ADAMTSL2: variants seen among roughly 807,000 people sequenced by gnomAD.
ADAMTSL2 encodes ADAMTS-like protein 2.
Under a neutral mutation model 117.0 loss-of-function variants are expected in ADAMTSL2, and 55 were observed. The ratio of observed to expected loss-of-function variants is 0.47; its 90% CI spans 0.38 to 0.59. ADAMTSL2 has a LOEUF of 0.59. Among genes scored for constraint, ADAMTSL2 ranks in the 20% least tolerant of loss-of-function variants. The probability of loss-of-function intolerance (pLI) is 0.00; values close to 1 mark genes in which losing one functional copy is unlikely to be tolerated. For missense variants in ADAMTSL2, 1,182 were observed against 1,354.5 expected (o/e 0.87, Z 2.00); for synonymous variants, 572 against 566.4 (o/e 1.01, Z -0.14).
intron 12 of ADAMTSL2, 59 bp from the exon 13 acceptor site, chr9:133,566,877 G>C: frequency 6.4e-7 from 1 of 1,572,070 alleles, no homozygotes; most frequent in South Asian, 1.2e-5. Context: ...CCTGAGGCCT[G>C]TCTGCTGGGC....
Position 133,548,159 on chromosome 9 carries a change from T to C in ADAMTSL2, c.939+946T>C, listed in dbSNP as rs1830398335. ...GCCTCATGTTGCAGGTCATGAAATG[T>C]GGGCACAGAGCGAGTGACTTGCAGT... On this transcript the variant is annotated intron_variant, in intron 9 of 18. Transcript: ENST00000651351. Among the ~76,000 whole-genome samples the C allele has an allele frequency of 4.6e-5, 7 of 152,346 alleles. No individual in the cohort carries two copies. In the South Asian group the frequency reaches 1.4e-3, roughly 32 times the overall value.
At chr9:133,550,599 G>T (rs1371426977) in intron 9 of ADAMTSL2, among the ~76,000 whole-genome samples, 3 of 152,144 alleles carry the variant, frequency 2.0e-5, no homozygotes, top group Non-Finnish European at 4.4e-5. Context: ...TTCCAGGATG[G>T]AAGGGGTCTG....
chr9:133,570,365 G>A lies in ADAMTSL2; in HGVS notation c.2450G>A (p.Arg817Gln). 2 of 1,553,760 alleles carry A rather than the reference G, an allele frequency of 1.3e-6. No homozygotes were observed. Among genetic ancestry groups the A allele is most frequent in the African/African-American group, 1.4e-5 (1 of 73,280 alleles). The part of the protein sequence containing the change: ...NTTCGRGVKK[R>Q]LVLCMELANG... The stretch of plus-strand genomic sequence containing the variant: ...ACCTGCGGGCGCGGGGTCAAGAAGC[G>A]GCTGGTGCTCTGCATGGAGCTGGCC... Residue 817 changes from arginine (R) to glutamine (Q), a missense_variant, in exon 17 of 19, where the codon CGG (arginine) becomes CAG (glutamine). By Grantham distance (43) the Arg-to-Gln change is conservative (BLOSUM62 1). Around this residue, in one of 3 missense-constraint regions of ADAMTSL2, gnomAD observed 465 missense variants for 565.3 expected, o/e 0.82. Transcript: ENST00000651351.
rs1317502764 is a variant in ADAMTSL2 at position 133,570,513 on chromosome 9, C to G, written c.2592+6C>G. The G allele has an allele frequency of 6.2e-7, 1 of 1,609,608 alleles. No individual in the cohort carries two copies. The highest frequency in any genetic ancestry group is 8.5e-7 in the Non-Finnish European group (1 of 1,178,726). On this transcript the variant is annotated splice_donor_region_variant and intron_variant, in intron 17 of 18. Coordinates refer to ENST00000651351, the MANE Select transcript of ADAMTSL2 (RefSeq NM_014694.4). The stretch of plus-strand genomic sequence containing the variant: ...ACACCAGCCCCTGGTCAGAGGTGAG[C>G]TCCCAGCCGGCCCCTCTGAGGTTGC...
At chr9:133,545,590 G>A (rs1830328637) in intron 8 of ADAMTSL2, among the ~76,000 whole-genome samples, 1 of 152,206 alleles carries the variant, frequency 6.6e-6, no homozygotes, top group South Asian at 2.1e-4. Context: ...GCTACTCCCT[G>A]GCCCGAGCGG....
intron 9 of ADAMTSL2, among the ~76,000 whole-genome samples, chr9:133,551,597 T>C (rs1830484653): frequency 6.6e-6 from 1 of 152,144 alleles, no homozygotes; most frequent in Non-Finnish European, 1.5e-5. Flanking sequence ...GTGTATTTAT[T>C]TACTGCAGAT....
chr9:133,548,221 C>T (rs1286829887), intron 9 of ADAMTSL2, among the ~76,000 whole-genome samples: 1 of 152,252 alleles, frequency 6.6e-6, no homozygotes, highest in Non-Finnish European at 1.5e-5. Context: ...GCTTTGAACC[C>T]AGGCCTGCCT....
Position 133,549,295 on chromosome 9 carries a change from C to T in ADAMTSL2, c.939+2082C>T, listed in dbSNP as rs1485110260. Among the ~76,000 whole-genome samples the T allele has an allele frequency of 3.8e-4, 2 of 5,260 alleles. 1 individual carries two copies. The highest frequency in any genetic ancestry group is 1.7e-3 in the Admixed American group (2 of 1,156). 3.5% of individuals were successfully genotyped at this position (5,260 alleles called of 152,430 possible). On this transcript the variant is annotated intron_variant, in intron 9 of 18. Coordinates refer to ENST00000651351, the MANE Select transcript of ADAMTSL2 (RefSeq NM_014694.4). ...CTGGGATTACAGGCGTGAGCCACCGCGCCCGGCCCACAGTTTCCTTCTTCT... is the reference window on the plus strand; with the variant it reads ...CTGGGATTACAGGCGTGAGCCACCGTGCCCGGCCCACAGTTTCCTTCTTCT...
chr9:133,563,005 G>A (rs1283193643), intron 12 of ADAMTSL2, among the ~76,000 whole-genome samples: 25 of 152,148 alleles, frequency 1.6e-4, no homozygotes, highest in African/African-American at 5.5e-4. Flanking sequence ...CGCTGTGGGC[G>A]GCGTGGTGGG....
At chr9:133,537,326 C>A (rs1162563560) in intron 2 of ADAMTSL2, 79 bp from the exon 3 acceptor site, 13 of 1,305,500 alleles carry the variant, frequency 1.0e-5, no homozygotes, top group Non-Finnish European at 1.3e-5. Flanking sequence ...GACGGTGATA[C>A]CCTCGGGCAT....
chr9:133,538,864 C>T (rs750308420), intron 4 of ADAMTSL2, among the ~76,000 whole-genome samples: 35 of 152,098 alleles, frequency 2.3e-4, no homozygotes, highest in Non-Finnish European at 4.4e-4. Flanking sequence ...GCTCCAGCCC[C>T]CATCAGCTTC....
At chr9:133,573,185 T>A (rs2131190891) in intron 17 of ADAMTSL2, among the ~76,000 whole-genome samples, 1 of 152,170 alleles carries the variant, frequency 6.6e-6, no homozygotes, top group East Asian at 1.9e-4. Context: ...TGATGTGGGG[T>A]CACCCACATT....
intron 17 of ADAMTSL2, 91 bp downstream of exon 17, chr9:133,570,598 C>A: frequency 7.3e-7 from 1 of 1,363,358 alleles, no homozygotes; most frequent in Middle Eastern, 1.9e-4. Context: ...TTAAGTGCTT[C>A]CTGCTCCTCC....
chr9:133,544,810 G>A (rs1452434686), intron 8 of ADAMTSL2, among the ~76,000 whole-genome samples: 1 of 152,174 alleles, frequency 6.6e-6, no homozygotes. Flanking sequence ...TGGTGATGTT[G>A]GGTGGTGAGC....
At chr9:133,540,778 T>A (rs927493481) in intron 6 of ADAMTSL2, 35 bp downstream of exon 6, 1 of 1,613,430 alleles carries the variant, frequency 6.2e-7, no homozygotes, top group African/African-American at 1.3e-5. Context: ...ACCGCCGGTC[T>A]CACTGTGCTG....
chr9:133,537,707 C>T (rs373442571), intron 3 of ADAMTSL2, among the ~76,000 whole-genome samples, 160 bp downstream of exon 3: 3 of 152,272 alleles, frequency 2.0e-5, no homozygotes, highest in Non-Finnish European at 2.9e-5. Flanking sequence ...CTGCTGGACG[C>T]GGCTATGGAT....
rs1161880797 is a variant in ADAMTSL2, at chr9:133,558,693, G to A, written c.1650-2505G>A. 3.3e-5 allele frequency among the ~76,000 whole-genome samples: 5 copies of A among 152,242 alleles called. No individual in the cohort carries two copies. The highest frequency in any genetic ancestry group is 1.2e-4 in the African/African-American group (5 of 41,458). Reference sequence around the variant, plus strand: ...GTGGTCTGGTGGTGACTCCACAGCCGTCACCAGCCCCAGTCTAGCAGCTCT... The same window carrying A: ...GTGGTCTGGTGGTGACTCCACAGCCATCACCAGCCCCAGTCTAGCAGCTCT... On this transcript the variant is annotated intron_variant, in intron 11 of 18. Coordinates refer to ENST00000651351, the MANE Select transcript of ADAMTSL2 (RefSeq NM_014694.4). The surrounding 1 kb of genome is among the most constrained non-coding windows in gnomAD (Gnocchi z 4.3).
chr9:133,538,499 G>A lies in ADAMTSL2; in HGVS notation c.309+75G>A, dbSNP rs559468106. 12 of 1,548,926 alleles carry A rather than the reference G, an allele frequency of 7.7e-6. No homozygotes were observed. The East Asian group carries it at 2.5e-4, about 32-fold the overall frequency. On this transcript the variant is annotated intron_variant, in intron 4 of 18. Transcript: ENST00000651351. ...ATGCAGTTTTCAGGGGGTCTTCCAG[G>A]TGGCTCCTGGGCATTCTGGGCATTC...
Position 133,568,787 on chromosome 9 carries a change from C to T in ADAMTSL2, c.2244+29C>T, listed in dbSNP as rs1446650402. On this transcript the variant is annotated intron_variant, in intron 15 of 18. Coordinates refer to ENST00000651351, the MANE Select transcript of ADAMTSL2 (RefSeq NM_014694.4). ...AGGCCTGCACTGAGGGGTGGCTGGG[C>T]GTGCGGCTGGTGAGGGGACCCAGAG... The T allele has an allele frequency of 8.1e-6, 13 of 1,612,636 alleles. No homozygotes were observed. In the East Asian group the frequency reaches 8.9e-5, roughly 11 times the overall value.
Sources: gnomAD v4.1 joint callset for allele counts (sites outside exome capture counted in the v4.1 genomes callset) on GRCh38, gnomAD v4.1.1 for gene constraint, gnomAD v4.1.1 regional missense constraint, Gnocchi (gnomAD v3.1) non-coding constraint, MANE v1.5 for transcripts, NCBI Gene and HGNC (gene_info 2026-07-23, HGNC 2026-07-21) for gene names.